ERAP1: variants seen among roughly 807,000 people sequenced by gnomAD.
ERAP1 encodes the protein adipocyte-derived leucine aminopeptidase.
Under a neutral mutation model 103.7 loss-of-function variants are expected in ERAP1, and 86 were observed. The ratio of observed to expected loss-of-function variants is 0.83; its 90% CI spans 0.70 to 0.99. The LOEUF (loss-of-function observed/expected upper bound fraction) is 0.99. Ranked by LOEUF, ERAP1 falls within the 50% of genes least tolerant of loss-of-function variation. ERAP1 has a pLI of 0.00. For missense variants in ERAP1, 1,009 were observed against 1,128.4 expected, an observed-to-expected ratio of 0.89 and a Z score of 1.52; for synonymous variants, 398 against 402.4, an observed-to-expected ratio of 0.99 and a Z score of 0.13.
chr5:96,934,953 G>C, the ERAP1 span: 21 of 152,304 alleles, frequency 1.4e-4, no homozygotes, highest in Admixed American at 1.4e-3. Flanking sequence ...ATAAGGAAGC[G>C]GTTCCCGACG....
At chr5:96,859,630 A>T in the ERAP1 span, among the ~76,000 whole-genome samples, 1 of 152,156 alleles carries the variant, frequency 6.6e-6, no homozygotes, top group African/African-American at 2.4e-5. Flanking sequence ...AGTCACTGTT[A>T]AGACCTTGGC....
intron 7 of ERAP1, 139 bp downstream of exon 7, chr5:96,793,252 TGCAACACGA>T: frequency 1.5e-6 from 1 of 685,100 alleles, no homozygotes. Context: ...CTAGCATTTT[TGCAACACGA>T]TTCATATCTA....
chr5:96,882,751 G>A, the ERAP1 span, among the ~76,000 whole-genome samples: 6 of 152,116 alleles, frequency 3.9e-5, no homozygotes, highest in African/African-American at 1.4e-4. Flanking sequence ...AAACCTTGAG[G>A]CCACAAGTGA....
In ERAP1 at chr5:96,782,008, A is replaced by AT. The variant is rs68114531; in HGVS notation, c.2286-155dup. The stretch of plus-strand genomic sequence containing the variant: ...AAACTACTGATTTCCTTCAGTTACA[A>AT]TTTTTTTTTTTTTTTTTTTTAGGAC... On this transcript the variant is annotated intron_variant, in intron 15 of 18. Coordinates refer to ENST00000443439, the MANE Select transcript of ERAP1 (RefSeq NM_001040458.3). Among the ~76,000 whole-genome samples, 326 of 133,764 alleles carry AT rather than the reference A, an allele frequency of 2.4e-3. 2 individuals are homozygous for AT. The highest frequency in any genetic ancestry group is 4.2e-3 in the African/African-American group (155 of 37,150). 87.8% of individuals were successfully genotyped at this position (133,764 alleles called of 152,430 possible). A position where few individuals can be genotyped will look rare whatever the true frequency, so the allele number is the denominator to read the frequency against.
the ERAP1 span, among the ~76,000 whole-genome samples, chr5:96,889,840 A>G: frequency 3.5e-5 from 2 of 56,860 alleles, no homozygotes; most frequent in Non-Finnish European, 6.9e-5. Context: ...ATACACACAC[A>G]CACACACACA....
chr5:96,891,457 A>C, the ERAP1 span, among the ~76,000 whole-genome samples: 1 of 148,970 alleles, frequency 6.7e-6, no homozygotes, highest in South Asian at 2.1e-4. Context: ...ATATACACAC[A>C]CACACATATA....
chr5:96,761,613 C>T (rs1767980255), exon 20 of ERAP1: 1 of 152,142 alleles, frequency 6.6e-6, no homozygotes, highest in Non-Finnish European at 1.5e-5. Flanking sequence ...TTTTCATCAA[C>T]AGTTATACCT....
chr5:96,915,670 G>A, the ERAP1 span: 1 of 1,483,230 alleles, frequency 6.7e-7, no homozygotes, highest in Non-Finnish European at 9.0e-7. Context: ...TTTCTATGGT[G>A]TTTCTTTTTA....
At chr5:96,915,375 A>G in the ERAP1 span, among the ~76,000 whole-genome samples, 1 of 152,216 alleles carries the variant, frequency 6.6e-6, no homozygotes, top group African/African-American at 2.4e-5. Flanking sequence ...TACTGACTGG[A>G]GTATGTAGTA....
chr5:96,900,285 A>C, the ERAP1 span: 2 of 1,483,126 alleles, frequency 1.3e-6, no homozygotes, highest in Non-Finnish European at 1.8e-6. Flanking sequence ...GTCCCTTTTA[A>C]AAGCTGGAGA....
At chr5:96,876,230 G>A in the ERAP1 span, 2 of 152,450 alleles carry the variant, frequency 1.3e-5, no homozygotes, top group South Asian at 4.1e-4. Flanking sequence ...TGTTCTGAAG[G>A]CTTTACCCTG....
chr5:96,904,581 A>C, the ERAP1 span, among the ~76,000 whole-genome samples: 1 of 152,196 alleles, frequency 6.6e-6, no homozygotes, highest in Admixed American at 6.5e-5. Flanking sequence ...GAAAAACACC[A>C]TCCTACATAT....
intron 19 of ERAP1, chr5:96,768,954 C>T (rs1343949011): frequency 2.0e-5 from 3 of 152,266 alleles, no homozygotes; most frequent in African/African-American, 4.8e-5. Context: ...TGTCTTTTAC[C>T]TCTGTGCTCC....
In ERAP1 at chr5:96,790,306, G is replaced by A; in HGVS notation, c.1514C>T (p.Ser505Phe). 1.2e-6 allele frequency: 2 copies of A among 1,614,002 alleles called. No individual in the cohort carries two copies. Among genetic ancestry groups the A allele is most frequent in the South Asian group, 1.1e-5 (1 of 91,076 alleles). ...GATATAGAAACTTACTGAGGATGAA[G>A]ATGAATGTTGACTTCTAGAGCAAAA... ...DGFCSRSQHSSSSSHWHQEGV... is the reference protein window; with the variant it reads ...DGFCSRSQHSFSSSHWHQEGV... The change falls in exon 10 of 19, where the codon TCT becomes TTT. Residue 505 changes from serine (S) to phenylalanine (F), a missense_variant. Coordinates refer to ENST00000443439, the MANE Select transcript of ERAP1 (RefSeq NM_001040458.3).
At chr5:96,858,245 C>G in the ERAP1 span, among the ~76,000 whole-genome samples, 8 of 133,264 alleles carry the variant, frequency 6.0e-5, no homozygotes, top group African/African-American at 2.3e-4. Context: ...GATGGAGTTT[C>G]GCTCTGTTGC....
At chr5:96,886,804 T>C in the ERAP1 span, 1 of 1,472,568 alleles carries the variant, frequency 6.8e-7, no homozygotes, top group East Asian at 2.4e-5. Flanking sequence ...GACTGAGTTC[T>C]AACGTTCTAC....
the ERAP1 span, among the ~76,000 whole-genome samples, chr5:96,837,261 T>C: frequency 6.6e-6 from 1 of 152,262 alleles, no homozygotes; most frequent in Non-Finnish European, 1.5e-5. Context: ...ATAAAACTTT[T>C]AGATATTTGA....
intron 18 of ERAP1, chr5:96,777,100 C>G (rs1488484179): frequency 6.6e-6 from 1 of 152,520 alleles, no homozygotes; most frequent in African/African-American, 2.4e-5. Flanking sequence ...ATTGTTGTCT[C>G]AAGATAAAAT....
chr5:96,785,948 C>A lies in ERAP1; in HGVS notation c.1783G>T (p.Val595Leu). 1 of 1,614,180 alleles carries A rather than the reference C, an allele frequency of 6.2e-7. No individual in the cohort carries two copies. The highest frequency in any genetic ancestry group is 1.1e-5 in the South Asian group (1 of 91,086). ...KTDVLILPEE[V>L]EWIKFNVGMN... ...CCCACATTAAATTTGATCCATTCCA[C>A]CTCTTCTGGGAGGATGAGCACATCT... Residue 595 changes from valine (V) to leucine (L), a missense_variant, in exon 13 of 19, where the codon GTG becomes TTG. By Grantham distance (32) the Val-to-Leu change is conservative. This residue lies in a region of ERAP1 where 611 missense variants were observed against 651.7 expected (regional missense o/e 0.94). Coordinates refer to ENST00000443439, the MANE Select transcript of ERAP1 (RefSeq NM_001040458.3).
Sources: gnomAD v4.1 joint callset for allele counts (sites outside exome capture counted in the v4.1 genomes callset) on GRCh38, gnomAD v4.1.1 for gene constraint, gnomAD v4.1.1 regional missense constraint, MANE v1.5 for transcripts, NCBI Gene and HGNC (gene_info 2026-07-23, HGNC 2026-07-21) for gene names.